CNOT7: variants seen among roughly 807,000 people sequenced by gnomAD.
CNOT7 encodes the protein BTG1-binding factor 1.
A neutral mutation model predicts 37.1 loss-of-function variants in CNOT7; 4 were observed. The ratio of observed to expected loss-of-function variants is 0.11; its 90% CI spans 0.05 to 0.25. The LOEUF (loss-of-function observed/expected upper bound fraction) is 0.25. CNOT7 is among the 10% of genes least tolerant of loss of function. The probability of loss-of-function intolerance (pLI) is 1.00; values close to 1 mark genes in which losing one functional copy is unlikely to be tolerated. For synonymous variants in CNOT7, 128 were observed against 115.6 expected (o/e 1.11, Z -0.69); for missense variants, 170 against 336.2 (o/e 0.51, Z 3.87).
At chr8:17,241,084 T>C (rs1016804935) in intron 3 of CNOT7, among the ~76,000 whole-genome samples, 1 of 152,204 alleles carries the variant, frequency 6.6e-6, no homozygotes, top group African/African-American at 2.4e-5. Flanking sequence ...CAGGTATTTT[T>C]AGAGACAAAG....
Position 17,234,818 on chromosome 8 carries a change from A to G in CNOT7, c.516T>C (p.Ser172=), listed in dbSNP as rs1339060290. ...FGYLIKILTN[S]NLPEEELDFF... ...AGTCAAGTTCTTCTTCAGGCAAGTT[A>G]GAGTTGGTTAGGATTTTGATTAAGT... is the stretch of plus-strand genomic sequence containing the variant. Residue 172 remains serine, a synonymous_variant, in exon 5 of 7, where the codon TCT becomes TCC. Transcript: ENST00000361272. 3.7e-6 allele frequency: 6 copies of G among 1,614,066 alleles called. No individual in the cohort carries two copies. The highest frequency in any genetic ancestry group is 5.1e-6 in the Non-Finnish European group (6 of 1,179,930).
chr8:17,225,866 T>TAACA lies in CNOT7; in HGVS notation c.*4850_*4853dup, dbSNP rs1339994839. 4 of 151,722 alleles carry TAACA rather than the reference T, an allele frequency of 2.6e-5. No individual in the cohort carries two copies. In the East Asian group the frequency reaches 7.7e-4, roughly 29 times the overall value. The allele number at this position is 151,722 out of a possible 1,614,324, so 9.4% of individuals were successfully genotyped here. A position where few individuals can be genotyped will look rare whatever the true frequency, so the allele number is the denominator to read the frequency against. ...TTCCTATCCCTTTATTTATAAATTC[T>TAACA]AACACATTTATTTTATAGACATGAG... On this transcript the variant is annotated 3_prime_UTR_variant, in exon 7 of 7. Coordinates refer to ENST00000361272, the MANE Select transcript of CNOT7 (RefSeq NM_013354.7).
In CNOT7 at chr8:17,243,633, C is replaced by A. The variant is rs1391890894; in HGVS notation, c.118-448G>T. 6.6e-6 allele frequency: 3 copies of A among 456,800 alleles called. No individual in the cohort carries two copies. The East Asian group carries it at 2.1e-4, about 32-fold the overall frequency. The allele number at this position is 456,800 out of a possible 1,614,324, so 28.3% of individuals were successfully genotyped here. ...CTCAACACCAAAACCCTAAGAAAAA[C>A]ATCATTAGCTTCCTAATTTCTCTGG... On this transcript the variant is annotated intron_variant, in intron 2 of 6. Coordinates refer to ENST00000361272, the MANE Select transcript of CNOT7 (RefSeq NM_013354.7).
intron 1 of CNOT7, among the ~76,000 whole-genome samples, chr8:17,245,599 C>T (rs2151015153): frequency 6.6e-6 from 1 of 152,320 alleles, no homozygotes; most frequent in South Asian, 2.1e-4. Flanking sequence ...TACTTATTTA[C>T]ATGTGACAAG....
At chr8:17,232,173 T>C in intron 6 of CNOT7, 1 of 1,236,412 alleles carries the variant, frequency 8.1e-7, no homozygotes, top group Non-Finnish European at 1.0e-6. Context: ...TGGTTGGACC[T>C]ACATGACTTC....
At chr8:17,233,704 TG>T (rs1221043385) in intron 5 of CNOT7, among the ~76,000 whole-genome samples, 1 of 152,222 alleles carries the variant, frequency 6.6e-6, no homozygotes, top group African/African-American at 2.4e-5. Flanking sequence ...GTTCACTTCC[TG>T]GAAGTCCCCT....
chr8:17,234,020 C>T (rs1808989290), intron 5 of CNOT7, among the ~76,000 whole-genome samples: 1 of 152,146 alleles, frequency 6.6e-6, no homozygotes, highest in Non-Finnish European at 1.5e-5. Flanking sequence ...CGCCACTGCA[C>T]TCCAGCCTGG....
At chr8:17,231,878 G>C in intron 6 of CNOT7, 1 of 985,966 alleles carries the variant, frequency 1.0e-6, no homozygotes, top group Non-Finnish European at 1.2e-6. Flanking sequence ...GGATTTATTT[G>C]ATCCCTTCGG....
chr8:17,231,600 G>T, intron 6 of CNOT7: 1 of 985,254 alleles, frequency 1.0e-6, no homozygotes, highest in Non-Finnish European at 1.2e-6. Context: ...ATGTCTAAGA[G>T]AAAATATACT....
Position 17,229,102 on chromosome 8 carries a change from A to G in CNOT7, c.*1618T>C, listed in dbSNP as rs1178852201. Reference sequence around the variant, plus strand: ...GCAGAAAACTCAGACTGATTTTTCAATTAATGGACTAATAATCATCTAGGG... The same window carrying G: ...GCAGAAAACTCAGACTGATTTTTCAGTTAATGGACTAATAATCATCTAGGG... On this transcript the variant is annotated 3_prime_UTR_variant, in exon 7 of 7. Coordinates refer to ENST00000361272, the MANE Select transcript of CNOT7 (RefSeq NM_013354.7). 2 of 151,974 alleles carry G rather than the reference A, an allele frequency of 1.3e-5. No homozygotes were observed. Among genetic ancestry groups the G allele is most frequent in the African/African-American group, 2.4e-5 (1 of 41,436 alleles). The allele number at this position is 151,974 out of a possible 1,614,324, so 9.4% of individuals were successfully genotyped here. A position where few individuals can be genotyped will look rare whatever the true frequency, so the allele number is the denominator to read the frequency against.
rs550284219 is a variant in CNOT7, at chr8:17,230,617, G to A, written c.*103C>T. On this transcript the variant is annotated 3_prime_UTR_variant, in exon 7 of 7. Coordinates refer to ENST00000361272, the MANE Select transcript of CNOT7 (RefSeq NM_013354.7). ...AGACAATAAAATGGGCCATGAAAGG[G>A]GGGGGAAAGGTACTGTCTATTGTTC... The A allele has an allele frequency of 2.1e-6, 2 of 944,780 alleles. No individual in the cohort carries two copies. The highest frequency in any genetic ancestry group is 2.8e-5 in the East Asian group (1 of 36,020). 58.5% of individuals were successfully genotyped at this position (944,780 alleles called of 1,614,324 possible).
At chr8:17,240,721 A>C (rs536441284) in intron 3 of CNOT7, among the ~76,000 whole-genome samples, 139 of 152,382 alleles carry the variant, frequency 9.1e-4, no homozygotes, top group African/African-American at 3.1e-3. Flanking sequence ...CATGGAACAA[A>C]TGAAATGGTA....
Position 17,232,540 on chromosome 8 carries a change from A to G in CNOT7, c.619-3T>C, listed in dbSNP as rs1808767391. On this transcript the variant is annotated splice_polypyrimidine_tract_variant and splice_region_variant and intron_variant, in intron 5 of 6. Coordinates refer to ENST00000361272, the MANE Select transcript of CNOT7 (RefSeq NM_013354.7). ...TCTGCCACCTCCTGTAATCCACCCTAGAAAAAATAAAAAATTGCTTGTCAA... is the reference window on the plus strand; with the variant it reads ...TCTGCCACCTCCTGTAATCCACCCTGGAAAAAATAAAAAATTGCTTGTCAA... 6.2e-7 allele frequency: 1 copy of G among 1,605,358 alleles called. No homozygotes were observed.
At chr8:17,237,008 T>G (rs924519821) in intron 4 of CNOT7, among the ~76,000 whole-genome samples, 2 of 152,170 alleles carry the variant, frequency 1.3e-5, no homozygotes, top group African/African-American at 2.4e-5. Context: ...TGCAACATGC[T>G]TCTCACAGGC....
chr8:17,236,610 A>C (rs1229520487), intron 4 of CNOT7, among the ~76,000 whole-genome samples: 1 of 152,194 alleles, frequency 6.6e-6, no homozygotes, highest in Non-Finnish European at 1.5e-5. Flanking sequence ...TCACTTTAAA[A>C]AAAAATTAAA....
chr8:17,236,144 G>C (rs1005842297), intron 4 of CNOT7, among the ~76,000 whole-genome samples: 1 of 152,180 alleles, frequency 6.6e-6, no homozygotes, highest in South Asian at 2.1e-4. Flanking sequence ...AGTGTGTTCA[G>C]TACCTACAAC....
intron 2 of CNOT7, chr8:17,244,551 G>A (rs1188431025): frequency 6.5e-6 from 1 of 152,752 alleles, no homozygotes; most frequent in East Asian, 1.9e-4. Flanking sequence ...TCTGAACAAG[G>A]ACAAAAAAAT....
intron 3 of CNOT7, 83 bp from the exon 4 acceptor site, chr8:17,237,456 G>A: frequency 7.6e-7 from 1 of 1,311,026 alleles, no homozygotes; most frequent in East Asian, 2.3e-5. Context: ...TATAACTACA[G>A]TGCCAGAAAA....
chr8:17,226,223 T>A lies in CNOT7; in HGVS notation c.*4497A>T, dbSNP rs1486597669. 6.6e-6 allele frequency: 1 copy of A among 151,220 alleles called. No individual in the cohort carries two copies. The highest frequency in any genetic ancestry group is 6.6e-5 in the Admixed American group (1 of 15,142). 9.4% of individuals were successfully genotyped at this position (151,220 alleles called of 1,614,324 possible). Reference sequence around the variant, plus strand: ...TTTTTTAGTAATAGAGTTCTACTAATGGGAATAATGGGATTTTTTGGCAGG... The same window carrying A: ...TTTTTTAGTAATAGAGTTCTACTAAAGGGAATAATGGGATTTTTTGGCAGG... On this transcript the variant is annotated 3_prime_UTR_variant, in exon 7 of 7. Transcript: ENST00000361272.
Sources: allele counts gnomAD v4.1 joint callset (sites outside exome capture counted in the v4.1 genomes callset), GRCh38; gene constraint gnomAD v4.1.1; transcripts MANE v1.5; gene names NCBI Gene and HGNC (gene_info 2026-07-23, HGNC 2026-07-21).